SLC35F1: variants seen among roughly 807,000 people sequenced by gnomAD.
SLC35F1 encodes the protein chromosome 6 open reading frame 169.
Under a neutral mutation model 48.7 loss-of-function variants are expected in SLC35F1, and 14 were observed. The observed-to-expected ratio is 0.29, with a 90% CI of 0.19 to 0.45. SLC35F1 has a LOEUF of 0.45. SLC35F1 is among the 20% of genes least tolerant of loss of function. The probability of loss-of-function intolerance (pLI) is 1.00; values close to 1 mark genes in which losing one functional copy is unlikely to be tolerated. For missense variants in SLC35F1, 404 were observed against 500.0 expected (o/e 0.81, Z 1.83); for synonymous variants, 190 against 202.2 (o/e 0.94, Z 0.51).
chr6:118,071,841 C>T (rs958959142), intron 1 of SLC35F1, among the ~76,000 whole-genome samples: 7 of 152,164 alleles, frequency 4.6e-5, no homozygotes, highest in Non-Finnish European at 1.0e-4. Context: ...GTTCTTCCCC[C>T]AGAAGTGTCT....
chr6:118,202,271 G>A (rs944512803), intron 2 of SLC35F1, among the ~76,000 whole-genome samples: 2 of 152,140 alleles, frequency 1.3e-5, no homozygotes, highest in African/African-American at 4.8e-5. Context: ...GATGCAGGAG[G>A]ATTGCTTGAG....
chr6:118,145,707 CATA>C (rs1773961855), intron 1 of SLC35F1, among the ~76,000 whole-genome samples: 1 of 152,048 alleles, frequency 6.6e-6, no homozygotes, highest in Admixed American at 6.5e-5. Context: ...TATTGCCTGA[CATA>C]ATGTTAGCAA....
chr6:118,166,724 A>C (rs1327983161), intron 2 of SLC35F1, among the ~76,000 whole-genome samples: 1 of 152,210 alleles, frequency 6.6e-6, no homozygotes, highest in Non-Finnish European at 1.5e-5. Context: ...AAACTTATTA[A>C]GTCTCTACCC....
At chr6:117,968,150 C>T (rs1313252782) in intron 1 of SLC35F1, among the ~76,000 whole-genome samples, 3 of 152,162 alleles carry the variant, frequency 2.0e-5, no homozygotes, top group African/African-American at 7.2e-5. Context: ...CGTGTTCAGA[C>T]AGTACCATTC....
intron 1 of SLC35F1, among the ~76,000 whole-genome samples, chr6:118,101,326 G>T (rs1005178459): frequency 6.6e-6 from 1 of 152,180 alleles, no homozygotes; most frequent in African/African-American, 2.4e-5. Context: ...AATACAATGT[G>T]GTCCTTGCCA....
intron 7 of SLC35F1, among the ~76,000 whole-genome samples, chr6:118,290,856 G>A (rs1032693644): frequency 2.0e-5 from 3 of 151,424 alleles, no homozygotes; most frequent in Admixed American, 6.6e-5. Flanking sequence ...GTACAGTGGT[G>A]CGATCTCGGT....
intron 1 of SLC35F1, 47 bp from the exon 2 acceptor site, chr6:118,154,398 G>A: frequency 1.3e-6 from 2 of 1,537,280 alleles, no homozygotes; most frequent in South Asian, 2.5e-5. Flanking sequence ...TTGTTTTAAT[G>A]GGCTTCCTGC....
chr6:118,105,601 A>T (rs1773316347), intron 1 of SLC35F1, among the ~76,000 whole-genome samples: 1 of 152,228 alleles, frequency 6.6e-6, no homozygotes, highest in Admixed American at 6.5e-5. Context: ...TTTTAATAGC[A>T]TCCTTATCTA....
At chr6:118,238,420 T>A (rs1200876123) in intron 3 of SLC35F1, among the ~76,000 whole-genome samples, 1 of 89,128 alleles carries the variant, frequency 1.1e-5, no homozygotes, top group Non-Finnish European at 2.2e-5. Flanking sequence ...CAAGATCCCA[T>A]CTCTAAAATA....
At chr6:118,205,912 T>G (rs1774929933) in intron 2 of SLC35F1, among the ~76,000 whole-genome samples, 1 of 152,158 alleles carries the variant, frequency 6.6e-6, no homozygotes, top group Non-Finnish European at 1.5e-5. Context: ...TGATTCCACT[T>G]ATATGAGGTA....
At chr6:118,165,884 G>A (rs1011661064) in intron 2 of SLC35F1, among the ~76,000 whole-genome samples, 2 of 152,092 alleles carry the variant, frequency 1.3e-5, no homozygotes, top group Admixed American at 1.3e-4. Context: ...GGGAAAATTG[G>A]GTCACTGTTT....
intron 3 of SLC35F1, among the ~76,000 whole-genome samples, chr6:118,240,603 G>A (rs569233057): frequency 3.3e-5 from 5 of 152,272 alleles, no homozygotes; most frequent in South Asian, 2.1e-4. Context: ...ATAACCAAAC[G>A]AATGAAGACA....
At chr6:118,257,727 A>G (rs1775664223) in intron 3 of SLC35F1, among the ~76,000 whole-genome samples, 1 of 152,204 alleles carries the variant, frequency 6.6e-6, no homozygotes, top group Non-Finnish European at 1.5e-5. Flanking sequence ...CTCTAAATAG[A>G]CATTTTATTA....
At position 118,112,080 on chromosome 6, in the gene SLC35F1, T is replaced by TTC. The variant is rs1350889559; in HGVS notation, c.174-42363_174-42362dup. Among the ~76,000 whole-genome samples the TTC allele has an allele frequency of 2.5e-3, 330 of 133,482 alleles. 1 individual carries two copies. The highest frequency in any genetic ancestry group is 9.1e-3 in the African/African-American group (307 of 33,874). 87.6% of individuals were successfully genotyped at this position (133,482 alleles called of 152,430 possible). On this transcript the variant is annotated intron_variant, in intron 1 of 7. Coordinates refer to ENST00000360388, the MANE Select transcript of SLC35F1 (RefSeq NM_001029858.4). ...TCTTTCTTTCTTTCTTTTTCTTTAT[T>TTC]TCTTTCTTTTCTTTTCTTTTCTTTT...
At chr6:118,232,278 A>G (rs927852727) in intron 2 of SLC35F1, among the ~76,000 whole-genome samples, 4 of 152,136 alleles carry the variant, frequency 2.6e-5, no homozygotes, top group Admixed American at 6.6e-5. Context: ...TTGACTGGGC[A>G]TAGTGGCTTA....
chr6:118,119,225 G>A lies in SLC35F1; in HGVS notation c.174-35220G>A, dbSNP rs373753350. Among the ~76,000 whole-genome samples the A allele has an allele frequency of 3.8e-4, 58 of 152,170 alleles. 1 individual carries two copies. The South Asian group carries it at 8.3e-3, about 22-fold the overall frequency. On this transcript the variant is annotated intron_variant, in intron 1 of 7. Transcript: ENST00000360388. ...ATAGGATGCTTATATACCCAATGAC[G>A]TAAAATAATTCAGCTGTAACAATGT...
chr6:118,157,919 T>C (rs1348043807), intron 2 of SLC35F1, among the ~76,000 whole-genome samples: 1 of 152,170 alleles, frequency 6.6e-6, no homozygotes, highest in Non-Finnish European at 1.5e-5. Flanking sequence ...TTGACATTCA[T>C]TAACCATCAC....
intron 1 of SLC35F1, among the ~76,000 whole-genome samples, chr6:117,932,949 G>A (rs998261500): frequency 6.6e-6 from 1 of 152,180 alleles, no homozygotes; most frequent in Non-Finnish European, 1.5e-5. Flanking sequence ...CAGAAAACTA[G>A]TGATAACAAA....
intron 1 of SLC35F1, among the ~76,000 whole-genome samples, chr6:117,953,100 A>G (rs1776384464): frequency 6.6e-6 from 1 of 152,132 alleles, no homozygotes; most frequent in South Asian, 2.1e-4. Flanking sequence ...CTTGACACTG[A>G]TGGTAGAGAG....
Sources: allele counts gnomAD v4.1 joint callset (sites outside exome capture counted in the v4.1 genomes callset), GRCh38; gene constraint gnomAD v4.1.1; transcripts MANE v1.5; gene names NCBI Gene and HGNC (gene_info 2026-07-23, HGNC 2026-07-21).